CDK7: variants seen among roughly 807,000 people sequenced by gnomAD.
The protein encoded by CDK7 is cyclin dependent kinase 7.
A neutral mutation model predicts 49.1 loss-of-function variants in CDK7; 25 were observed. That is an observed-to-expected ratio of 0.51 (90% CI 0.37 to 0.71). The LOEUF is 0.71. Ranked by LOEUF, CDK7 falls within the 30% of genes least tolerant of loss-of-function variation. CDK7 has a pLI of 0.00. For synonymous variants in CDK7, 107 were observed against 140.0 expected (o/e 0.76, Z 1.67); for missense variants, 316 against 411.7 (o/e 0.77, Z 2.01).
At chr5:69,237,105 C>A (rs1260612171) in intron 2 of CDK7, among the ~76,000 whole-genome samples, 1 of 151,690 alleles carries the variant, frequency 6.6e-6, no homozygotes, top group Non-Finnish European at 1.5e-5. Flanking sequence ...TTTGTGGTGG[C>A]GGGGCAGGAG....
chr5:69,249,634 G>GTCA (rs1750008632), intron 2 of CDK7, among the ~76,000 whole-genome samples: 1 of 152,084 alleles, frequency 6.6e-6, no homozygotes, highest in African/African-American at 2.4e-5. Context: ...GATCATTTAG[G>GTCA]TCAGGAGTTC....
intron 2 of CDK7, among the ~76,000 whole-genome samples, chr5:69,235,974 C>G (rs745693702): frequency 5.3e-5 from 8 of 152,214 alleles, no homozygotes; most frequent in Admixed American, 3.3e-4. Flanking sequence ...GCCGCGGTGG[C>G]TCACGCCTGT....
At chr5:69,275,064 C>CAA (rs60134652) in intron 10 of CDK7, among the ~76,000 whole-genome samples, 18,020 of 106,870 alleles carry the variant, frequency 0.17, 1,555 homozygotes, top group African/African-American at 0.29. Context: ...ACTCTGTATC[C>CAA]AAAAAAAAAA....
intron 2 of CDK7, among the ~76,000 whole-genome samples, chr5:69,240,358 T>A (rs2150182897): frequency 6.6e-6 from 1 of 152,314 alleles, no homozygotes; most frequent in South Asian, 2.1e-4. Context: ...ACTGTGGCAT[T>A]ATTGTTAATT....
Position 69,269,201 on chromosome 5 carries a change from T to C in CDK7, c.628-6T>C. ...CTTGAAAAGTCTCCCTCTTACTTTC[T>C]TTCAGGTTCCTTTTTTGCCAGGAGA... On this transcript the variant is annotated splice_polypyrimidine_tract_variant and splice_region_variant and intron_variant, in intron 8 of 11. Coordinates refer to ENST00000256443, the MANE Select transcript of CDK7 (RefSeq NM_001799.4). 6.3e-7 allele frequency: 1 copy of C among 1,588,454 alleles called. No homozygotes were observed. The highest frequency in any genetic ancestry group is 1.8e-5 in the Admixed American group (1 of 54,436).
chr5:69,254,795 CA>C (rs1750382701), intron 4 of CDK7, 126 bp downstream of exon 4: 1 of 609,824 alleles, frequency 1.6e-6, no homozygotes, highest in Admixed American at 2.8e-5. Context: ...AAAGGAAATA[CA>C]TTTTCTATCC....
intron 11 of CDK7, 150 bp from the exon 12 acceptor site, chr5:69,276,957 A>G: frequency 2.9e-6 from 2 of 701,340 alleles, no homozygotes; most frequent in Non-Finnish European, 4.8e-6. Flanking sequence ...TCTGTAAACT[A>G]CATGCTAAAT....
intron 9 of CDK7, among the ~76,000 whole-genome samples, 154 bp downstream of exon 9, chr5:69,269,447 G>A (rs1425943763): frequency 6.6e-6 from 1 of 152,130 alleles, no homozygotes; most frequent in East Asian, 1.9e-4. Context: ...TATAAAGTAA[G>A]AAGTTACAAT....
chr5:69,234,966 ACGG>A lies in CDK7; in HGVS notation c.-7_-5del. 1 of 1,589,828 alleles carries A rather than the reference ACGG, an allele frequency of 6.3e-7. No individual in the cohort carries two copies. The highest frequency in any genetic ancestry group is 1.7e-4 in the Middle Eastern group (1 of 6,034). On this transcript the variant is annotated 5_prime_UTR_variant, in exon 1 of 12. Coordinates refer to ENST00000256443, the MANE Select transcript of CDK7 (RefSeq NM_001799.4). ...CCCTTTTCGGCTGGAGTCGGGCTTT[ACGG>A]CGCCGGATGGCTCTGGACGTGAAGT...
At chr5:69,246,223 G>A (rs970649106) in intron 2 of CDK7, among the ~76,000 whole-genome samples, 3 of 151,930 alleles carry the variant, frequency 2.0e-5, no homozygotes, top group Non-Finnish European at 2.9e-5. Flanking sequence ...TGCAATCTCC[G>A]CCTCCCAGGT....
intron 10 of CDK7, among the ~76,000 whole-genome samples, chr5:69,274,093 C>G (rs780428797): frequency 5.3e-5 from 8 of 152,140 alleles, no homozygotes; most frequent in Non-Finnish European, 1.0e-4. Flanking sequence ...TTATTTCCAT[C>G]ATAATAAACT....
Position 69,276,695 on chromosome 5 carries a change from G to GA in CDK7, c.1012+6dup. ...GAACAGAGGCCTTAGAACAAGGTAAGATTCCCACTTTTAAAAGAAATTAAA... is the reference window on the plus strand; with the variant it reads ...GAACAGAGGCCTTAGAACAAGGTAAGAATTCCCACTTTTAAAAGAAATTAAA... On this transcript the variant is annotated splice_donor_region_variant and intron_variant, in intron 11 of 11. Coordinates refer to ENST00000256443, the MANE Select transcript of CDK7 (RefSeq NM_001799.4). The GA allele has an allele frequency of 6.2e-7, 1 of 1,607,712 alleles. No individual in the cohort carries two copies. The highest frequency in any genetic ancestry group is 8.5e-7 in the Non-Finnish European group (1 of 1,178,178).
chr5:69,240,157 T>C (rs1269865477), intron 2 of CDK7, among the ~76,000 whole-genome samples: 1 of 152,224 alleles, frequency 6.6e-6, no homozygotes, highest in Non-Finnish European at 1.5e-5. Flanking sequence ...CACACTATTC[T>C]GTTCCAGTGG....
At chr5:69,268,239 C>T (rs960034943) in intron 8 of CDK7, among the ~76,000 whole-genome samples, 17 of 152,152 alleles carry the variant, frequency 1.1e-4, no homozygotes, top group African/African-American at 3.9e-4. Context: ...TCTAGGATCT[C>T]GTACTTACTC....
chr5:69,269,127 A>T, intron 8 of CDK7, 80 bp from the exon 9 acceptor site: 1 of 832,338 alleles, frequency 1.2e-6, no homozygotes. Context: ...TGACAGAGCG[A>T]GACTCTGTCT....
chr5:69,252,126 T>C (rs1418212114), intron 2 of CDK7, among the ~76,000 whole-genome samples: 1 of 152,234 alleles, frequency 6.6e-6, no homozygotes, highest in East Asian at 1.9e-4. Flanking sequence ...CCCTTAGTTA[T>C]TTGGTCCACA....
Position 69,271,130 on chromosome 5 carries a change from T to C in CDK7, c.715-1762T>C, listed in dbSNP as rs1481584550. ...GTTTCTTGGAATCCTCTCCAGCATT[T>C]GGTGTTGTCACTTTTTAATTTTAGG... On this transcript the variant is annotated intron_variant, in intron 9 of 11. Coordinates refer to ENST00000256443, the MANE Select transcript of CDK7 (RefSeq NM_001799.4). 2.0e-5 allele frequency among the ~76,000 whole-genome samples: 3 copies of C among 152,330 alleles called. No homozygotes were observed. In the East Asian group the frequency reaches 5.8e-4, roughly 29 times the overall value.
chr5:69,262,097 A>T (rs1368849714), intron 7 of CDK7, 108 bp from the exon 8 acceptor site: 3 of 1,344,528 alleles, frequency 2.2e-6, no homozygotes, highest in Middle Eastern at 2.6e-4. Context: ...CCTTAAAGTA[A>T]GGGATTGCCT....
chr5:69,256,774 A>G (rs1750519208), intron 5 of CDK7, among the ~76,000 whole-genome samples: 2 of 152,136 alleles, frequency 1.3e-5, no homozygotes, highest in South Asian at 2.1e-4. Context: ...AGGACCTATC[A>G]TAATAGGCTA....
Sources: allele counts gnomAD v4.1 joint callset (sites outside exome capture counted in the v4.1 genomes callset), GRCh38; gene constraint gnomAD v4.1.1; transcripts MANE v1.5; gene names NCBI Gene and HGNC (gene_info 2026-07-23, HGNC 2026-07-21).